The following SLC24A2 variants were observed in gnomAD, a reference collection of about 807,000 sequenced individuals.
SLC24A2 encodes sodium/potassium/calcium exchanger 2.
SLC24A2 carries 36 observed loss-of-function variants against 62.0 expected under a neutral mutation model. The ratio of observed to expected loss-of-function variants is 0.58; its 90% CI spans 0.44 to 0.77. The LOEUF is 0.77. SLC24A2 is among the 30% of genes least tolerant of loss of function. SLC24A2 has a pLI of 0.00. For synonymous variants in SLC24A2, 358 were observed against 294.0 expected, an observed-to-expected ratio of 1.22 and a Z score of -2.23; for missense variants, 846 against 817.9, an observed-to-expected ratio of 1.03 and a Z score of -0.42.
At chr9:20,220,248 T>C in the SLC24A2 span, among the ~76,000 whole-genome samples, 1 of 152,150 alleles carries the variant, frequency 6.6e-6, no homozygotes, top group African/African-American at 2.4e-5. Context: ...GAAGTCATTC[T>C]TTCCTTCTTT....
the SLC24A2 span, among the ~76,000 whole-genome samples, chr9:20,162,027 C>A: frequency 1.9e-4 from 29 of 151,732 alleles, no homozygotes; most frequent in South Asian, 5.6e-3. Flanking sequence ...AAATGGTAAA[C>A]TCTGGAGAAT....
the SLC24A2 span, among the ~76,000 whole-genome samples, chr9:20,097,449 A>G: frequency 6.6e-6 from 1 of 152,154 alleles, no homozygotes; most frequent in East Asian, 1.9e-4. Flanking sequence ...CTTTAAAAAT[A>G]CTGTAGTTGG....
the SLC24A2 span, among the ~76,000 whole-genome samples, chr9:20,234,973 G>C: frequency 6.6e-6 from 1 of 152,224 alleles, no homozygotes; most frequent in Non-Finnish European, 1.5e-5. Context: ...AGGTCTGTTG[G>C]AGTTTGCCAG....
chr9:19,723,827 A>G (rs944264128), intron 2 of SLC24A2, among the ~76,000 whole-genome samples: 1 of 152,136 alleles, frequency 6.6e-6, no homozygotes, highest in Non-Finnish European at 1.5e-5. Context: ...ATCATACTTC[A>G]GGACAGTAGT....
the SLC24A2 span, among the ~76,000 whole-genome samples, chr9:19,940,954 A>G: frequency 5.9e-5 from 9 of 152,182 alleles, no homozygotes; most frequent in Admixed American, 2.0e-4. Context: ...AAAGAGACAT[A>G]TATTATGTGG....
chr9:19,965,767 C>T, the SLC24A2 span, among the ~76,000 whole-genome samples: 3 of 152,152 alleles, frequency 2.0e-5, no homozygotes, highest in Non-Finnish European at 4.4e-5. Context: ...CTGCTACTGT[C>T]ACATTGTGAC....
intron 2 of SLC24A2, among the ~76,000 whole-genome samples, chr9:19,706,371 T>C (rs1820517760): frequency 6.7e-6 from 1 of 148,210 alleles, no homozygotes; most frequent in Non-Finnish European, 1.5e-5. Flanking sequence ...CACTGATGGG[T>C]CTTGAATCTT....
At chr9:20,187,916 C>T in the SLC24A2 span, among the ~76,000 whole-genome samples, 7 of 152,290 alleles carry the variant, frequency 4.6e-5, no homozygotes, top group Admixed American at 1.3e-4. Flanking sequence ...ATGATTCCTC[C>T]GCTCATGAAA....
the SLC24A2 span, among the ~76,000 whole-genome samples, chr9:20,305,555 G>C: frequency 3.3e-5 from 5 of 152,156 alleles, no homozygotes. Flanking sequence ...TTCAAAATGG[G>C]AGGGGAAGGG....
At chr9:19,801,541 G>A in the SLC24A2 span, among the ~76,000 whole-genome samples, 5 of 152,240 alleles carry the variant, frequency 3.3e-5, no homozygotes, top group Non-Finnish European at 7.3e-5. Context: ...TACAAAGGGA[G>A]GGGAACCAAA....
At chr9:20,131,144 A>G in the SLC24A2 span, among the ~76,000 whole-genome samples, 1 of 152,114 alleles carries the variant, frequency 6.6e-6, no homozygotes, top group Non-Finnish European at 1.5e-5. Flanking sequence ...CTTGCTTTTC[A>G]AAGAAGCAAT....
At chr9:19,620,735 T>C (rs374844573) in intron 3 of SLC24A2, among the ~76,000 whole-genome samples, 113 of 152,358 alleles carry the variant, frequency 7.4e-4, no homozygotes, top group African/African-American at 2.5e-3. Flanking sequence ...CCAAGCTTTA[T>C]AGACAGACAG....
chr9:20,048,837 A>AG, the SLC24A2 span, among the ~76,000 whole-genome samples: 5 of 151,988 alleles, frequency 3.3e-5, no homozygotes, highest in Admixed American at 6.5e-5. Context: ...ATTTAGATCC[A>AG]GGCCTTTCCC....
the SLC24A2 span, among the ~76,000 whole-genome samples, chr9:20,021,617 C>T: frequency 6.6e-6 from 1 of 151,982 alleles, no homozygotes; most frequent in Non-Finnish European, 1.5e-5. Flanking sequence ...CGTTTTCAAG[C>T]ACACAGGTTC....
chr9:20,223,648 GGATA>G, the SLC24A2 span, among the ~76,000 whole-genome samples: 1 of 152,102 alleles, frequency 6.6e-6, no homozygotes, highest in Non-Finnish European at 1.5e-5. Flanking sequence ...CAATGGACTA[GGATA>G]GAAAGACCTA....
chr9:19,815,955 GCC>G, the SLC24A2 span, among the ~76,000 whole-genome samples: 2 of 100,096 alleles, frequency 2.0e-5, no homozygotes, highest in African/African-American at 3.5e-5. Flanking sequence ...TGTATTTTTT[GCC>G]CCTTTTTTTT....
intron 2 of SLC24A2, among the ~76,000 whole-genome samples, chr9:19,629,489 T>G (rs1044977674): frequency 6.6e-6 from 1 of 152,228 alleles, no homozygotes; most frequent in Non-Finnish European, 1.5e-5. Context: ...CCAGCATCAT[T>G]ACTTAGAATC....
chr9:19,876,642 T>C, the SLC24A2 span, among the ~76,000 whole-genome samples: 2 of 152,190 alleles, frequency 1.3e-5, no homozygotes, highest in East Asian at 3.9e-4. Context: ...CTTGTTGCTA[T>C]GTTAACTAAT....
chr9:19,744,969 C>T lies in SLC24A2; in HGVS notation c.930+40968G>A, dbSNP rs111561212. ...GAAGTTTCTAACTAGTTGATATGGT[C>T]TGGACATTTGTCATCCAAATCTCCT... is the stretch of plus-strand genomic sequence containing the variant. On this transcript the variant is annotated intron_variant, in intron 2 of 10. Transcript: ENST00000341998. Among the ~76,000 whole-genome samples the T allele has an allele frequency of 3.5e-3, 527 of 152,272 alleles. 1 individual carries two copies. The highest frequency in any genetic ancestry group is 0.012 in the African/African-American group (500 of 41,550).
Sources: allele counts gnomAD v4.1 joint callset (sites outside exome capture counted in the v4.1 genomes callset), GRCh38; gene constraint gnomAD v4.1.1; transcripts MANE v1.5; gene names NCBI Gene and HGNC (gene_info 2026-07-23, HGNC 2026-07-21).